MACF1: variants seen among roughly 807,000 people sequenced by gnomAD.
MACF1 encodes microtubule actin crosslinking factor 1.
In MACF1, 193 loss-of-function variants were observed where a neutral mutation model predicts 854.8. The observed-to-expected ratio is 0.23, with a 90% confidence interval of 0.20 to 0.25. The LOEUF is 0.25. Ranked by LOEUF, MACF1 falls within the 10% of genes least tolerant of loss-of-function variation. The pLI is 1.00. For synonymous variants in MACF1, 3,185 were observed against 3,226.7 expected, an observed-to-expected ratio of 0.99 and a Z score of 0.44; for missense variants, 7,722 against 8,929.1, an observed-to-expected ratio of 0.86 and a Z score of 5.45.
At chr1:39,330,745 T>C (rs1646707238) in intron 36 of MACF1, among the ~76,000 whole-genome samples, 1 of 152,148 alleles carries the variant, frequency 6.6e-6, no homozygotes, top group East Asian at 1.9e-4. Context: ...TTCCTACATG[T>C]TGGGGCTTAT....
intron 2 of MACF1, among the ~76,000 whole-genome samples, chr1:39,096,117 C>T (rs1041817097): frequency 6.7e-6 from 1 of 149,730 alleles, no homozygotes. Flanking sequence ...TGCAGTGACC[C>T]ATGATCGCAC....
chr1:39,436,488 G>A, intron 70 of MACF1: 1 of 1,613,962 alleles, frequency 6.2e-7, no homozygotes, highest in Non-Finnish European at 8.5e-7. Flanking sequence ...ACAGATTACA[G>A]AGGTAAGGTA....
chr1:39,280,614 G>A (rs1278936660), intron 6 of MACF1, among the ~76,000 whole-genome samples: 1 of 152,032 alleles, frequency 6.6e-6, no homozygotes, highest in Non-Finnish European at 1.5e-5. Flanking sequence ...GTCTCACTCT[G>A]TCGCCCAGGC....
intron 58 of MACF1, among the ~76,000 whole-genome samples, chr1:39,397,622 C>T (rs1422227617): frequency 6.6e-6 from 1 of 151,748 alleles, no homozygotes; most frequent in East Asian, 1.9e-4. Context: ...TAAACATACT[C>T]AGACACTTAC....
intron 1 of MACF1, among the ~76,000 whole-genome samples, chr1:39,217,503 G>C (rs6692769): frequency 0.59 from 89,217 of 151,470 alleles, 28,236 homozygotes; most frequent in South Asian, 0.77. Flanking sequence ...TTGAGTTCCT[G>C]ACCTCAAGTG....
rs529481097 is a variant in MACF1 at position 39,182,128 on chromosome 1, G to A, written c.221-49054G>A. 2.0e-4 allele frequency among the ~76,000 whole-genome samples: 30 copies of A among 150,142 alleles called. 1 individual carries two copies. Among genetic ancestry groups the A allele is most frequent in the African/African-American group, 7.4e-4 (30 of 40,722 alleles). Reference sequence around the variant, plus strand: ...ATGACGCCATTGCACTCCAGCCTGGGCAACAGAGCAAGACTCCACCTTAAA... The same window carrying A: ...ATGACGCCATTGCACTCCAGCCTGGACAACAGAGCAAGACTCCACCTTAAA... On this transcript the variant is annotated intron_variant, in intron 2 of 93. Transcript: ENST00000361689.
At chr1:39,239,911 C>T (rs1308656127) in intron 2 of MACF1, among the ~76,000 whole-genome samples, 3 of 152,114 alleles carry the variant, frequency 2.0e-5, no homozygotes, top group African/African-American at 2.4e-5. Context: ...TCCTTCCTTC[C>T]GTCCGTCCGT....
intron 58 of MACF1, chr1:39,410,786 C>T: frequency 6.2e-7 from 1 of 1,614,006 alleles, no homozygotes; most frequent in Non-Finnish European, 8.5e-7. Flanking sequence ...TCCAGTTCTG[C>T]ATTAACAGAA....
intron 58 of MACF1, among the ~76,000 whole-genome samples, chr1:39,403,044 T>C (rs577792565): frequency 6.6e-6 from 1 of 151,112 alleles, no homozygotes; most frequent in East Asian, 1.9e-4. Flanking sequence ...CTCTCTTTTG[T>C]TTTTTTTGTT....
chr1:39,337,503 A>G (rs1379243696), intron 38 of MACF1, among the ~76,000 whole-genome samples, 172 bp downstream of exon 38: 4 of 151,458 alleles, frequency 2.6e-5, no homozygotes, highest in Non-Finnish European at 2.9e-5. Context: ...GACCGGATAA[A>G]ATTTATACAG....
intron 1 of MACF1, among the ~76,000 whole-genome samples, chr1:39,205,391 G>T (rs1459402551): frequency 1.3e-5 from 2 of 152,078 alleles, no homozygotes; most frequent in Non-Finnish European, 2.9e-5. Flanking sequence ...GTGATGACTG[G>T]GCTCAAAACT....
chr1:39,190,422 T>TTTTTG (rs1644240921), intron 2 of MACF1, among the ~76,000 whole-genome samples: 1 of 111,670 alleles, frequency 9.0e-6, no homozygotes. Context: ...TTTTTTTTGA[T>TTTTTG]GGAATCTTGC....
intron 58 of MACF1, among the ~76,000 whole-genome samples, chr1:39,421,576 A>T (rs1643538542): frequency 6.6e-6 from 1 of 152,180 alleles, no homozygotes; most frequent in Non-Finnish European, 1.5e-5. Flanking sequence ...ATATGTTTTG[A>T]CTAATTGAGT....
At chr1:39,269,486 G>A in intron 6 of MACF1, 2 of 1,289,808 alleles carry the variant, frequency 1.6e-6, no homozygotes, top group Non-Finnish European at 1.0e-6. Flanking sequence ...CTTCCCATGT[G>A]GGTCAAGTGC....
At position 39,333,227 on chromosome 1, in the gene MACF1, A is replaced by G. The variant is rs1646757413; in HGVS notation, c.6639A>G (p.Leu2213=). 3 of 1,612,760 alleles carry G rather than the reference A, an allele frequency of 1.9e-6. No homozygotes were observed. Among genetic ancestry groups the G allele is most frequent in the Middle Eastern group, 1.7e-4 (1 of 6,054 alleles). Residue 2213 remains leucine, a synonymous_variant, in exon 37 of 101, where the codon CTA becomes CTG. Coordinates refer to ENST00000564288, the MANE Select transcript of MACF1 (RefSeq NM_001394062.1). ...VKKTLGIKLE[L]KSETDGNVHP... is the part of the protein sequence containing the mutation. ...AAACTCTAGGTATAAAGTTAGAACT[A>G]AAGTCTGAAACTGATGGGAATGTTC... is the stretch of plus-strand genomic sequence containing the variant.
In MACF1 at chr1:39,332,248, A is replaced by G. The variant is rs1646740835; in HGVS notation, c.5660A>G (p.Lys1887Arg). The change falls in exon 37 of 101, where the codon AAG (lysine) becomes AGG (arginine). Residue 1887 changes from lysine (K) to arginine (R), a missense_variant. Lys to Arg is a conservative substitution (Grantham distance 26). Transcript: ENST00000564288. The stretch of plus-strand genomic sequence containing the variant: ...ATCCTTAGTAACCGACAGCATATTA[A>G]GGCTCTGTTTCTACCAGCAACCACA... ...HKILSNRQHIKALFLPATTEI... is the reference protein window; with the variant it reads ...HKILSNRQHIRALFLPATTEI... 4.3e-6 allele frequency: 7 copies of G among 1,614,046 alleles called. No individual in the cohort carries two copies. The East Asian group carries it at 1.6e-4, about 36-fold the overall frequency.
intron 63 of MACF1, 77 bp from the exon 64 acceptor site, chr1:39,429,165 T>C: frequency 1.4e-6 from 1 of 706,202 alleles, no homozygotes. Flanking sequence ...ACTTTAAATT[T>C]GATCTCTTAA....
intron 2 of MACF1, among the ~76,000 whole-genome samples, chr1:39,245,955 C>T (rs996687017): frequency 2.0e-5 from 3 of 152,208 alleles, no homozygotes. Flanking sequence ...GAAATAGTCT[C>T]ACAAAAGCAC....
At chr1:39,348,222 T>G (rs536196140) in intron 41 of MACF1, among the ~76,000 whole-genome samples, 1 of 152,338 alleles carries the variant, frequency 6.6e-6, no homozygotes, top group African/African-American at 2.4e-5. Flanking sequence ...CTTTGAAAAC[T>G]GAGCATGTGC....
Sources: gnomAD v4.1 joint callset for allele counts (sites outside exome capture counted in the v4.1 genomes callset) on GRCh38, gnomAD v4.1.1 for gene constraint, MANE v1.5 for transcripts, NCBI Gene and HGNC (gene_info 2026-07-23, HGNC 2026-07-21) for gene names.